The following PUM3 variants were observed in gnomAD, a reference collection of about 807,000 sequenced individuals.
PUM3 encodes pumilio RNA binding family member 3.
In PUM3, 91 loss-of-function variants were observed where a neutral mutation model predicts 84.0. That is an observed-to-expected ratio of 1.08 (90% CI 0.91 to 1.29). The LOEUF is 1.29. Ranked by LOEUF, PUM3 falls within the 50% of genes most tolerant of loss-of-function variation. The probability of loss-of-function intolerance (pLI) is 0.00; values close to 1 mark genes in which losing one functional copy is unlikely to be tolerated. For synonymous variants in PUM3, 321 were observed against 266.7 expected, an observed-to-expected ratio of 1.20 and a Z score of -1.98; for missense variants, 1,067 against 767.5, an observed-to-expected ratio of 1.39 and a Z score of -4.61.
At chr9:2,807,681 G>T (rs1329427553) in intron 17 of PUM3, 133 bp downstream of exon 17, 40 of 423,142 alleles carry the variant, frequency 9.5e-5, no homozygotes, top group East Asian at 2.1e-4. Context: ...TGGTATGTTT[G>T]TCTAGACCAT....
intron 13 of PUM3, among the ~76,000 whole-genome samples, chr9:2,815,997 A>C (rs768385608): frequency 3.3e-5 from 5 of 152,212 alleles, no homozygotes; most frequent in Non-Finnish European, 7.3e-5. Context: ...CTGTTTTGCC[A>C]ATGCGCTTTT....
chr9:2,808,840 G>A (rs545354575), intron 16 of PUM3, among the ~76,000 whole-genome samples: 6 of 152,300 alleles, frequency 3.9e-5, no homozygotes, highest in Admixed American at 3.3e-4. Flanking sequence ...GTGGGCCTCT[G>A]TGATTGACTT....
intron 13 of PUM3, among the ~76,000 whole-genome samples, chr9:2,816,902 T>G (rs1276256698): frequency 6.6e-6 from 1 of 152,246 alleles, no homozygotes; most frequent in Non-Finnish European, 1.5e-5. Context: ...CAACTTGACA[T>G]TTTGGGAAAT....
intron 13 of PUM3, among the ~76,000 whole-genome samples, chr9:2,819,736 G>C: frequency 6.6e-6 from 1 of 152,242 alleles, no homozygotes; most frequent in Middle Eastern, 3.4e-3. Flanking sequence ...AATCACGTAT[G>C]TTCTAAAGTA....
intron 16 of PUM3, among the ~76,000 whole-genome samples, chr9:2,810,105 G>T (rs538809405): frequency 2.7e-5 from 4 of 149,874 alleles, no homozygotes; most frequent in Non-Finnish European, 5.9e-5. Context: ...AGGGGGCGGT[G>T]GGGGGGGCTG....
intron 16 of PUM3, among the ~76,000 whole-genome samples, chr9:2,809,049 T>C (rs1443554466): frequency 1.3e-5 from 2 of 152,086 alleles, no homozygotes; most frequent in African/African-American, 2.4e-5. Context: ...TTGCCAGCCA[T>C]GTGAGTGAGC....
intron 13 of PUM3, among the ~76,000 whole-genome samples, chr9:2,817,625 C>T (rs1821498912): frequency 6.6e-6 from 1 of 151,900 alleles, no homozygotes; most frequent in Non-Finnish European, 1.5e-5. Context: ...AAAAAATGTC[C>T]ACATATAGTG....
Position 2,823,853 on chromosome 9 carries a change from T to C in PUM3, c.1135-19A>G, listed in dbSNP as rs747316809. On this transcript the variant is annotated intron_variant, in intron 11 of 17. Coordinates refer to ENST00000397885, the MANE Select transcript of PUM3 (RefSeq NM_014878.5). ...TCCTGTCCTTAAAAAGGAAAGATTG[T>C]CTCACTGAATTTTCAGTTATGTATT... 13 of 1,434,742 alleles carry C rather than the reference T, an allele frequency of 9.1e-6. No individual in the cohort carries two copies. The highest frequency in any genetic ancestry group is 2.6e-5 in the South Asian group (2 of 75,946). 88.9% of individuals were successfully genotyped at this position (1,434,742 alleles called of 1,614,324 possible). A position where few individuals can be genotyped will look rare whatever the true frequency, so the allele number is the denominator to read the frequency against.
At position 2,830,052 on chromosome 9, in the gene PUM3, A is replaced by G; in HGVS notation, c.678-104T>C. On this transcript the variant is annotated intron_variant, in intron 7 of 17. Coordinates refer to ENST00000397885, the MANE Select transcript of PUM3 (RefSeq NM_014878.5). Reference sequence around the variant, plus strand: ...CAAGACCAACTCATCAATCTGTGTCACTCTGAGGAGTAAATGAGCTAGCAT... The same window carrying G: ...CAAGACCAACTCATCAATCTGTGTCGCTCTGAGGAGTAAATGAGCTAGCAT... 12 of 965,264 alleles carry G rather than the reference A, an allele frequency of 1.2e-5. No individual in the cohort carries two copies. The South Asian group carries it at 1.9e-4, about 15-fold the overall frequency. The allele number at this position is 965,264 out of a possible 1,614,324, so 59.8% of individuals were successfully genotyped here. A position where few individuals can be genotyped will look rare whatever the true frequency, so the allele number is the denominator to read the frequency against.
At chr9:2,839,288 C>G (rs949467523) in intron 1 of PUM3, among the ~76,000 whole-genome samples, 1 of 152,120 alleles carries the variant, frequency 6.6e-6, no homozygotes, top group Non-Finnish European at 1.5e-5. Context: ...CAAAGTTGGA[C>G]GATCAACTCA....
Position 2,830,986 on chromosome 9 carries a change from A to C in PUM3, c.653T>G (p.Ile218Ser), listed in dbSNP as rs1406520999. ...CCCATACATGAGAAATTTCTTAACA[A>C]TATTTCTCGAATATTTGGCTTTACT... is the stretch of plus-strand genomic sequence containing the variant. ...ELSKAKYSRN[I>S]VKKFLMYGSK... The change falls in exon 7 of 18, where the codon ATT becomes AGT. Residue 218 changes from isoleucine to serine, a missense_variant. Coordinates refer to ENST00000397885, the MANE Select transcript of PUM3 (RefSeq NM_014878.5). The C allele has an allele frequency of 4.0e-6, 6 of 1,488,318 alleles. No homozygotes were observed. Among genetic ancestry groups the C allele is most frequent in the Non-Finnish European group, 5.6e-6 (6 of 1,072,994 alleles). 92.2% of individuals were successfully genotyped at this position (1,488,318 alleles called of 1,614,324 possible). A position where few individuals can be genotyped will look rare whatever the true frequency, so the allele number is the denominator to read the frequency against.
At chr9:2,817,493 A>T (rs1346044967) in intron 13 of PUM3, among the ~76,000 whole-genome samples, 1 of 152,244 alleles carries the variant, frequency 6.6e-6, no homozygotes, top group Non-Finnish European at 1.5e-5. Flanking sequence ...CTGACCCCTG[A>T]CAATAAATCT....
intron 5 of PUM3, among the ~76,000 whole-genome samples, chr9:2,832,987 T>G (rs918108334): frequency 2.0e-5 from 3 of 152,246 alleles, no homozygotes; most frequent in African/African-American, 7.2e-5. Context: ...TGAAGTAATA[T>G]GTTCACATCA....
intron 1 of PUM3, among the ~76,000 whole-genome samples, chr9:2,841,764 C>G (rs1445221868): frequency 6.6e-6 from 1 of 151,694 alleles, no homozygotes; most frequent in Admixed American, 6.6e-5. Context: ...CCCTCACCCT[C>G]TTTAGTGAAG....
At chr9:2,810,491 G>A in intron 15 of PUM3, 60 bp from the exon 16 acceptor site, 1 of 1,158,502 alleles carries the variant, frequency 8.6e-7, no homozygotes, top group Non-Finnish European at 1.3e-6. Context: ...AAATACATTT[G>A]AATGAATACA....
intron 3 of PUM3, 135 bp downstream of exon 3, chr9:2,837,045 G>A: frequency 1.4e-6 from 1 of 714,514 alleles, no homozygotes; most frequent in South Asian, 1.8e-5. Flanking sequence ...ATGCTTTGTT[G>A]TTTATTTAAG....
chr9:2,839,379 A>C (rs1816210185), intron 1 of PUM3, among the ~76,000 whole-genome samples: 1 of 152,264 alleles, frequency 6.6e-6, no homozygotes, highest in African/African-American at 2.4e-5. Context: ...TGCCCATTCA[A>C]GAACTAATTT....
chr9:2,822,666 C>CA (rs1277851996), intron 12 of PUM3, among the ~76,000 whole-genome samples: 4 of 148,744 alleles, frequency 2.7e-5, no homozygotes, highest in Non-Finnish European at 4.5e-5. Flanking sequence ...GAATGTCACG[C>CA]AAAAAAATTT....
At position 2,838,430 on chromosome 9, in the gene PUM3, A is replaced by G; in HGVS notation, c.78T>C (p.Asn26=). Residue 26 remains asparagine, a synonymous_variant, in exon 2 of 18, where the codon AAT becomes AAC. Coordinates refer to ENST00000397885, the MANE Select transcript of PUM3 (RefSeq NM_014878.5). ...CACATGGGAAGCATATCTTACCACT[A>G]TTTTTATGAAATCTGTTTTTTTCTT... ...TAQEKNRFHK[N]SDSGSSKTFP... 1.9e-6 allele frequency: 3 copies of G among 1,607,478 alleles called. No individual in the cohort carries two copies. Among genetic ancestry groups the G allele is most frequent in the Non-Finnish European group, 2.6e-6 (3 of 1,174,086 alleles).
Sources: allele counts gnomAD v4.1 joint callset (sites outside exome capture counted in the v4.1 genomes callset), GRCh38; gene constraint gnomAD v4.1.1; transcripts MANE v1.5; gene names NCBI Gene and HGNC (gene_info 2026-07-23, HGNC 2026-07-21).